USP28: variants seen among roughly 807,000 people sequenced by gnomAD.
USP28 encodes ubiquitin carboxyl-terminal hydrolase 28.
Under a neutral mutation model 145.0 loss-of-function variants are expected in USP28, and 113 were observed. The ratio of observed to expected loss-of-function variants is 0.78; its 90% confidence interval spans 0.67 to 0.91. The LOEUF (loss-of-function observed/expected upper bound fraction) is 0.91, where lower values mean the gene tolerates loss of function less well. Ranked by LOEUF, USP28 falls within the 40% of genes least tolerant of loss-of-function variation. USP28 has a pLI of 0.00. For synonymous variants in USP28, 447 were observed against 450.9 expected, an observed-to-expected ratio of 0.99 and a Z score of 0.11; for missense variants, 1,201 against 1,289.6, an observed-to-expected ratio of 0.93 and a Z score of 1.05.
chr11:113,829,317 G>T (rs151047915), exon 10 of USP28: 1 of 1,614,104 alleles, frequency 6.2e-7, no homozygotes, highest in Non-Finnish European at 8.5e-7. Flanking sequence ...GATACTGGCC[G>T]AAGGTCTCAT....
At chr11:113,806,671 C>T in intron 18 of USP28, 87 bp from the exon 20 acceptor site, 2 of 940,424 alleles carry the variant, frequency 2.1e-6, no homozygotes, top group Non-Finnish European at 1.6e-6. Flanking sequence ...GAACAGAGTG[C>T]TAAAGGGCAG....
chr11:113,861,221 AT>A (rs1263165749), intron 1 of USP28, among the ~76,000 whole-genome samples: 1 of 151,892 alleles, frequency 6.6e-6, no homozygotes, highest in Non-Finnish European at 1.5e-5. Context: ...AAGCCTTGGT[AT>A]TTTTTCAGTT....
intron 8 of USP28, 108 bp downstream of exon 8, chr11:113,831,812 T>G: frequency 9.8e-7 from 1 of 1,018,890 alleles, no homozygotes; most frequent in South Asian, 1.6e-5. Flanking sequence ...CCAGGAGGTA[T>G]GGTTAAAAAC....
At chr11:113,870,810 G>A (rs1948735944) in intron 1 of USP28, among the ~76,000 whole-genome samples, 1 of 152,184 alleles carries the variant, frequency 6.6e-6, no homozygotes, top group Non-Finnish European at 1.5e-5. Context: ...TTTGTATATT[G>A]AGTCTGAATA....
intron 8 of USP28, among the ~76,000 whole-genome samples, chr11:113,831,260 A>G (rs1425089204): frequency 6.6e-6 from 1 of 152,232 alleles, no homozygotes; most frequent in Non-Finnish European, 1.5e-5. Flanking sequence ...TGATAGATGT[A>G]TACAAGGTAT....
chr11:113,818,523 A>G (rs1942103643), intron 12 of USP28, among the ~76,000 whole-genome samples: 1 of 152,208 alleles, frequency 6.6e-6, no homozygotes, highest in African/African-American at 2.4e-5. Context: ...CTAAATCCCA[A>G]GAGATTTTTT....
chr11:113,815,315 T>C (rs1316044508), exon 14 of USP28: 2 of 1,614,158 alleles, frequency 1.2e-6, no homozygotes, highest in Admixed American at 3.3e-5. Context: ...GGTTTAGACT[T>C]GGGTAAAGAA....
At chr11:113,868,064 A>G (rs2137075554) in intron 1 of USP28, among the ~76,000 whole-genome samples, 1 of 152,278 alleles carries the variant, frequency 6.6e-6, no homozygotes, top group South Asian at 2.1e-4. Flanking sequence ...AAATAGTGCC[A>G]TGCAGCCCAG....
chr11:113,810,956 T>C (rs1213021439), intron 16 of USP28, among the ~76,000 whole-genome samples: 1 of 152,238 alleles, frequency 6.6e-6, no homozygotes, highest in Non-Finnish European at 1.5e-5. Context: ...ATTACAGGCG[T>C]GAACCACCAT....
At chr11:113,821,044 G>A in intron 12 of USP28, 1 of 226,252 alleles carries the variant, frequency 4.4e-6, no homozygotes, top group East Asian at 1.2e-4. Flanking sequence ...CAGCCTTCCA[G>A]TTGGGGAGGA....
At chr11:113,874,738 CA>C in intron 1 of USP28, 1 of 1,176,652 alleles carries the variant, frequency 8.5e-7, no homozygotes, top group Non-Finnish European at 1.1e-6. Context: ...GCTTTTCTCT[CA>C]AACCAGGGTT....
intron 1 of USP28, chr11:113,874,985 G>C (rs1949227677): frequency 1.1e-6 from 1 of 916,086 alleles, no homozygotes; most frequent in South Asian, 4.9e-5. Context: ...TCTTATAGAA[G>C]ACGGTGATTA....
chr11:113,835,945 T>C (rs941889872), intron 5 of USP28, among the ~76,000 whole-genome samples: 21 of 152,026 alleles, frequency 1.4e-4, no homozygotes, highest in African/African-American at 5.1e-4. Flanking sequence ...CCGGGCATGG[T>C]GGCATGCCTA....
chr11:113,858,012 C>T lies in USP28; in HGVS notation c.58-3677G>A, dbSNP rs1246247667. On this transcript the variant is annotated intron_variant, in intron 1 of 24. Transcript: ENST00000003302. Reference sequence around the variant, plus strand: ...TCCCGAGTAGTTGGGACTACGGGTGCCCACCACCACGCCCAGCTAGTTTTC... The same window carrying T: ...TCCCGAGTAGTTGGGACTACGGGTGTCCACCACCACGCCCAGCTAGTTTTC... Among the ~76,000 whole-genome samples, 6 of 152,052 alleles carry T rather than the reference C, an allele frequency of 3.9e-5. No homozygotes were observed. The East Asian group carries it at 5.8e-4, about 15-fold the overall frequency.
chr11:113,816,291 C>T (rs531958107), intron 13 of USP28, among the ~76,000 whole-genome samples: 1 of 152,146 alleles, frequency 6.6e-6, no homozygotes, highest in African/African-American at 2.4e-5. Context: ...CTAAGGAGGG[C>T]AAATTACCAG....
At chr11:113,833,649 C>T (rs1944270786) in intron 6 of USP28, 92 bp from the exon 7 acceptor site, 1 of 1,290,744 alleles carries the variant, frequency 7.7e-7, no homozygotes. Flanking sequence ...ATCATGCCCT[C>T]ATTTATATTT....
At chr11:113,874,604 T>A (rs1408337289) in intron 1 of USP28, 1 of 1,288,036 alleles carries the variant, frequency 7.8e-7, no homozygotes, top group Non-Finnish European at 1.0e-6. Flanking sequence ...AGATTTCCCG[T>A]TTTCTCTTGA....
At chr11:113,828,462 G>A (rs1341904519) in intron 10 of USP28, among the ~76,000 whole-genome samples, 2 of 152,180 alleles carry the variant, frequency 1.3e-5, no homozygotes, top group African/African-American at 4.8e-5. Context: ...CTGCTCTACA[G>A]TGAATGTATT....
chr11:113,825,638 T>C (rs955161377), intron 11 of USP28, among the ~76,000 whole-genome samples: 1 of 152,126 alleles, frequency 6.6e-6, no homozygotes, highest in African/African-American at 2.4e-5. Flanking sequence ...CATATTACAA[T>C]AGAATATTAC....
Sources: gnomAD v4.1 joint callset for allele counts (sites outside exome capture counted in the v4.1 genomes callset) on GRCh38, gnomAD v4.1.1 for gene constraint, MANE v1.5 for transcripts, NCBI Gene and HGNC (gene_info 2026-07-23, HGNC 2026-07-21) for gene names.